NLGN4Y: variants seen among roughly 807,000 people sequenced by gnomAD.
NLGN4Y encodes neuroligin 4 Y-linked.
In NLGN4Y, 4 loss-of-function variants were observed where a neutral mutation model predicts 8.4. That is an observed-to-expected ratio of 0.48 (90% CI 0.23 to 1.09). The LOEUF (loss-of-function observed/expected upper bound fraction) is 1.09, where lower values mean the gene tolerates loss of function less well. Among genes scored for constraint, NLGN4Y ranks in the 50% least tolerant of loss-of-function variants. The pLI is 0.19. For missense variants in NLGN4Y, 90 were observed against 192.3 expected, an observed-to-expected ratio of 0.47 and a Z score of 3.15; for synonymous variants, 35 against 75.6, an observed-to-expected ratio of 0.46 and a Z score of 2.78.
chrY:14,820,095 G>T (rs2043117236), intron 4 of NLGN4Y, among the ~76,000 whole-genome samples: 1 of 32,928 alleles, frequency 3.0e-5, no homozygotes, highest in African/African-American at 1.2e-4. Context: ...AGTTGTGCTC[G>T]CCAAAGCAGC....
chrY:14,544,490 G>T, intron 1 of NLGN4Y, among the ~76,000 whole-genome samples: 1 of 32,648 alleles, frequency 3.1e-5, no homozygotes, highest in Non-Finnish European at 7.4e-5. Flanking sequence ...TGAGAAAGTC[G>T]TCATACTGGA....
At chrY:14,559,654 A>G (rs2080220787) in intron 1 of NLGN4Y, among the ~76,000 whole-genome samples, 2 of 32,800 alleles carry the variant, frequency 6.1e-5, no homozygotes, top group African/African-American at 1.2e-4. Flanking sequence ...TCCAATCCCC[A>G]TATCCCCTCA....
At chrY:14,655,527 TTTCAGCCTG>T (rs2080647751) in intron 2 of NLGN4Y, among the ~76,000 whole-genome samples, 2 of 32,785 alleles carry the variant, frequency 6.1e-5, no homozygotes, top group Non-Finnish European at 1.5e-4. Flanking sequence ...TATCTTTCCA[TTTCAGCCTG>T]TTCTTTGTGC....
At chrY:14,648,196 C>A in intron 2 of NLGN4Y, among the ~76,000 whole-genome samples, 3 of 33,385 alleles carry the variant, frequency 9.0e-5, no homozygotes, top group Non-Finnish European at 1.5e-4. Context: ...GAGGCCCAGG[C>A]GGGCAGATCA....
rs941998111 is a variant in NLGN4Y at position 14,781,912 on chromosome Y, C to G, written c.686-42276C>G. On this transcript the variant is annotated intron_variant, in intron 4 of 6. Coordinates refer to ENST00000684976, the MANE Select transcript of NLGN4Y (RefSeq NM_001365588.1). ...TAATATGTTGGAACACACATGATAC[C>G]TTGATTCTGAATCAACACTGTATGT... 1.8e-4 allele frequency among the ~76,000 whole-genome samples: 6 copies of G among 33,403 alleles called. No individual in the cohort carries two copies. The East Asian group carries it at 4.0e-3, about 22-fold the overall frequency. 89.6% of individuals were successfully genotyped at this position (33,403 alleles called of 37,273 possible).
Position 14,548,801 on chromosome Y carries a change from C to G in NLGN4Y, c.-112+24093C>G, listed in dbSNP as rs753579162. Among the ~76,000 whole-genome samples, 3 of 33,394 alleles carry G rather than the reference C, an allele frequency of 9.0e-5. No individual in the cohort carries two copies. The East Asian group carries it at 2.4e-3, about 27-fold the overall frequency. 89.6% of individuals were successfully genotyped at this position (33,394 alleles called of 37,273 possible). A position where few individuals can be genotyped will look rare whatever the true frequency, so the allele number is the denominator to read the frequency against. On this transcript the variant is annotated intron_variant, in intron 1 of 6. Transcript: ENST00000684976. Reference sequence around the variant, plus strand: ...CACATTCTGTTCTCCTAATTTTCTTCCACTGCCTAATAATTGAACTGACTT... The same window carrying G: ...CACATTCTGTTCTCCTAATTTTCTTGCACTGCCTAATAATTGAACTGACTT...
At chrY:14,775,463 C>A in intron 4 of NLGN4Y, among the ~76,000 whole-genome samples, 1 of 32,077 alleles carries the variant, frequency 3.1e-5, no homozygotes. Flanking sequence ...TCACTGATTG[C>A]TTCTCTCTGT....
Position 14,788,603 on chromosome Y carries a change from G to A in NLGN4Y, c.686-35585G>A. 2.1e-4 allele frequency among the ~76,000 whole-genome samples: 7 copies of A among 33,124 alleles called. No homozygotes were observed. The East Asian group carries it at 5.5e-3, about 26-fold the overall frequency. 88.9% of individuals were successfully genotyped at this position (33,124 alleles called of 37,273 possible). A position where few individuals can be genotyped will look rare whatever the true frequency, so the allele number is the denominator to read the frequency against. On this transcript the variant is annotated intron_variant, in intron 4 of 6. Transcript: ENST00000684976. ...CTTTCCCTTGTCATATGGCTTGTCT[G>A]ACCTGATTGTTCTGTCACTGTTTTC... is the stretch of plus-strand genomic sequence containing the variant.
At chrY:14,617,379 C>T in intron 1 of NLGN4Y, among the ~76,000 whole-genome samples, 4 of 23,001 alleles carry the variant, frequency 1.7e-4, no homozygotes, top group African/African-American at 6.8e-4. Flanking sequence ...AGTCTTTGCA[C>T]GTGAGATGGG....
chrY:14,632,891 G>A, intron 2 of NLGN4Y, among the ~76,000 whole-genome samples: 1 of 33,394 alleles, frequency 3.0e-5, no homozygotes, highest in Non-Finnish European at 7.4e-5. Context: ...CTTATTGAGG[G>A]TTTGGAAATT....
chrY:14,661,058 C>T, intron 2 of NLGN4Y, among the ~76,000 whole-genome samples: 1 of 33,204 alleles, frequency 3.0e-5, no homozygotes, highest in Non-Finnish European at 7.4e-5. Context: ...AATGTAATCA[C>T]TATTTACAAT....
chrY:14,819,453 A>T, intron 4 of NLGN4Y, among the ~76,000 whole-genome samples: 1 of 33,460 alleles, frequency 3.0e-5, no homozygotes, highest in African/African-American at 1.2e-4. Flanking sequence ...AAACATCCCC[A>T]GGTCTACCTT....
chrY:14,654,194 T>A, intron 2 of NLGN4Y, among the ~76,000 whole-genome samples: 1 of 33,618 alleles, frequency 3.0e-5, no homozygotes, highest in Non-Finnish European at 7.4e-5. Flanking sequence ...GTGTCAGTTG[T>A]ACCTTTTTAA....
At chrY:14,556,158 A>G (rs2080210141) in intron 1 of NLGN4Y, among the ~76,000 whole-genome samples, 1 of 32,600 alleles carries the variant, frequency 3.1e-5, no homozygotes, top group Non-Finnish European at 7.5e-5. Flanking sequence ...TCTCAAAAAC[A>G]AACAAAGAAA....
At chrY:14,765,390 G>T (rs1055317987) in intron 4 of NLGN4Y, among the ~76,000 whole-genome samples, 2 of 33,718 alleles carry the variant, frequency 5.9e-5, no homozygotes, top group Non-Finnish European at 1.5e-4. Context: ...AGTAGAATAA[G>T]CAGTCTCTTT....
At chrY:14,780,625 G>A (rs2042940794) in intron 4 of NLGN4Y, among the ~76,000 whole-genome samples, 1 of 32,655 alleles carries the variant, frequency 3.1e-5, no homozygotes, top group Non-Finnish European at 7.5e-5. Context: ...TACAAAAGGC[G>A]CCATTGCAAA....
At chrY:14,566,032 G>A in intron 1 of NLGN4Y, among the ~76,000 whole-genome samples, 1 of 33,172 alleles carries the variant, frequency 3.0e-5, no homozygotes, top group South Asian at 6.7e-4. Flanking sequence ...GGACAAATAA[G>A]GAAAGCAGCA....
At chrY:14,687,012 T>C in intron 2 of NLGN4Y, among the ~76,000 whole-genome samples, 1 of 32,523 alleles carries the variant, frequency 3.1e-5, no homozygotes, top group Admixed American at 2.8e-4. Flanking sequence ...CCAAGGCTGG[T>C]CTGGAACTCC....
chrY:14,814,745 G>T, intron 4 of NLGN4Y, among the ~76,000 whole-genome samples: 6 of 33,677 alleles, frequency 1.8e-4, no homozygotes, highest in Non-Finnish European at 2.9e-4. Flanking sequence ...GTTTTGGAGA[G>T]TCACTGCTGC....
Sources: gnomAD v4.1 joint callset for allele counts (sites outside exome capture counted in the v4.1 genomes callset) on GRCh38, gnomAD v4.1.1 for gene constraint, MANE v1.5 for transcripts, NCBI Gene and HGNC (gene_info 2026-07-23, HGNC 2026-07-21) for gene names.